COLGALT2: variants seen among roughly 807,000 people sequenced by gnomAD.
COLGALT2 encodes collagen beta(1-O)galactosyltransferase 2.
In COLGALT2, 49 loss-of-function variants were observed where a neutral mutation model predicts 73.4. The observed-to-expected ratio is 0.67, with a 90% CI of 0.53 to 0.85. The LOEUF (loss-of-function observed/expected upper bound fraction) is 0.85, where lower values mean the gene tolerates loss of function less well. Among genes scored for constraint, COLGALT2 ranks in the 40% least tolerant of loss-of-function variants. The pLI is 0.00. For synonymous variants in COLGALT2, 295 were observed against 307.6 expected, an observed-to-expected ratio of 0.96 and a Z score of 0.43; for missense variants, 722 against 790.2, an observed-to-expected ratio of 0.91 and a Z score of 1.03.
chr1:183,993,408 G>T (rs1056286076), intron 1 of COLGALT2, among the ~76,000 whole-genome samples: 1 of 152,234 alleles, frequency 6.6e-6, no homozygotes, highest in Non-Finnish European at 1.5e-5. Flanking sequence ...TATGGCAACA[G>T]GTGAGTAATT....
At chr1:183,962,889 T>G (rs1396859039) in intron 6 of COLGALT2, among the ~76,000 whole-genome samples, 1 of 152,234 alleles carries the variant, frequency 6.6e-6, no homozygotes, top group Non-Finnish European at 1.5e-5. Flanking sequence ...GAAGCCCAAA[T>G]GCCTTCTTAT....
At chr1:184,030,789 T>G (rs1404022395) in intron 1 of COLGALT2, among the ~76,000 whole-genome samples, 1 of 152,196 alleles carries the variant, frequency 6.6e-6, no homozygotes, top group Admixed American at 6.5e-5. Context: ...ATACTCCCCA[T>G]GCTCCTTTAA....
chr1:183,934,199 C>T (rs934560493), downstream of COLGALT2, among the ~76,000 whole-genome samples: 16 of 152,208 alleles, frequency 1.1e-4, no homozygotes, highest in African/African-American at 3.9e-4. Flanking sequence ...CACCTAAACT[C>T]CTCTTGCTCT....
At chr1:184,029,185 C>T (rs1296771200) in intron 1 of COLGALT2, among the ~76,000 whole-genome samples, 2 of 152,176 alleles carry the variant, frequency 1.3e-5, no homozygotes, top group African/African-American at 2.4e-5. Context: ...TTAATTACAG[C>T]CACTCTATTT....
chr1:183,959,716 C>T (rs1444238437), intron 6 of COLGALT2, among the ~76,000 whole-genome samples: 2 of 152,054 alleles, frequency 1.3e-5, no homozygotes, highest in African/African-American at 2.4e-5. Context: ...AGGCCATGCC[C>T]CCTCTGCCCC....
At chr1:183,994,644 G>C (rs1445701704) in intron 1 of COLGALT2, among the ~76,000 whole-genome samples, 11 of 151,784 alleles carry the variant, frequency 7.2e-5, no homozygotes, top group Admixed American at 7.2e-4. Flanking sequence ...TAGTAGAGAC[G>C]GGGTTTCACC....
chr1:184,028,385 T>C (rs1649395075), intron 1 of COLGALT2, among the ~76,000 whole-genome samples: 1 of 152,178 alleles, frequency 6.6e-6, no homozygotes, highest in African/African-American at 2.4e-5. Flanking sequence ...GTCTCTCTCT[T>C]GTGAGAATGA....
At chr1:184,006,297 AG>A in intron 1 of COLGALT2, among the ~76,000 whole-genome samples, 1 of 152,156 alleles carries the variant, frequency 6.6e-6, no homozygotes, top group Non-Finnish European at 1.5e-5. Flanking sequence ...AAAAAATTAG[AG>A]TATGGGCCGG....
At chr1:183,950,056 A>G (rs1320102514) in intron 8 of COLGALT2, among the ~76,000 whole-genome samples, 1 of 152,236 alleles carries the variant, frequency 6.6e-6, no homozygotes, top group East Asian at 1.9e-4. Context: ...ATAATTTTTT[A>G]GTATAACCAA....
chr1:183,987,416 A>T (rs968625488), intron 1 of COLGALT2, among the ~76,000 whole-genome samples: 1 of 152,232 alleles, frequency 6.6e-6, no homozygotes, highest in African/African-American at 2.4e-5. Flanking sequence ...AGGATCCAAA[A>T]ACATTTTCTC....
At chr1:184,003,193 A>G (rs1293171285) in intron 1 of COLGALT2, among the ~76,000 whole-genome samples, 1 of 152,184 alleles carries the variant, frequency 6.6e-6, no homozygotes, top group Non-Finnish European at 1.5e-5. Context: ...TGACTTTGAC[A>G]TTCCTCCTAT....
chr1:183,937,346 C>T lies in COLGALT2; in HGVS notation c.*1415G>A. On this transcript the variant is annotated 3_prime_UTR_variant, in exon 12 of 12. Transcript: ENST00000361927. ...GAGAACATAAACTTGAGGGAAACCA[C>T]CATGATCTATACTAGGATGACAGAT... 3 of 1,029,554 alleles carry T rather than the reference C, an allele frequency of 2.9e-6. No individual in the cohort carries two copies. Among genetic ancestry groups the T allele is most frequent in the Non-Finnish European group, 3.5e-6 (3 of 859,606 alleles). 63.8% of individuals were successfully genotyped at this position (1,029,554 alleles called of 1,614,324 possible). A position where few individuals can be genotyped will look rare whatever the true frequency, so the allele number is the denominator to read the frequency against.
intron 1 of COLGALT2, among the ~76,000 whole-genome samples, chr1:184,020,280 G>A (rs141657265): frequency 0.016 from 2,395 of 152,240 alleles, 59 homozygotes; most frequent in African/African-American, 0.054. Context: ...AGAGTTAACA[G>A]AGCAAATAAT....
chr1:184,024,906 G>A (rs1424753799), intron 1 of COLGALT2, among the ~76,000 whole-genome samples: 1 of 152,186 alleles, frequency 6.6e-6, no homozygotes, highest in Non-Finnish European at 1.5e-5. Flanking sequence ...GGCCTCACAA[G>A]AAGATTATCA....
chr1:183,975,085 A>T lies in COLGALT2; in HGVS notation c.492+12T>A, dbSNP rs758552535. ...GATGACAGTTGTCAAGAAATCAAAC[A>T]TCTGTTTTTACCAGAATGTAGTCTG... On this transcript the variant is annotated intron_variant, in intron 3 of 11. Coordinates refer to ENST00000361927, the MANE Select transcript of COLGALT2 (RefSeq NM_015101.4). 1 of 1,575,338 alleles carries T rather than the reference A, an allele frequency of 6.3e-7. No homozygotes were observed. The highest frequency in any genetic ancestry group is 1.7e-5 in the Admixed American group (1 of 59,902).
At chr1:184,023,287 G>A (rs755526549) in intron 1 of COLGALT2, among the ~76,000 whole-genome samples, 12 of 152,186 alleles carry the variant, frequency 7.9e-5, no homozygotes, top group South Asian at 6.2e-4. Context: ...TCAGCAAGGA[G>A]GGAGGTAGCC....
At chr1:183,934,928 C>A (rs1325686261), downstream of COLGALT2, among the ~76,000 whole-genome samples, 2 of 152,182 alleles carry the variant, frequency 1.3e-5, no homozygotes, top group African/African-American at 2.4e-5. Context: ...TGAGACAGCC[C>A]TGAGAAGGAG....
chr1:183,958,792 A>C (rs147301867), intron 6 of COLGALT2, among the ~76,000 whole-genome samples: 3 of 150,616 alleles, frequency 2.0e-5, no homozygotes, highest in African/African-American at 7.3e-5. Context: ...TCTCTTTTAC[A>C]TCATCAAGAT....
chr1:184,003,379 A>AC (rs34199124), intron 1 of COLGALT2, among the ~76,000 whole-genome samples: 66,900 of 151,994 alleles, frequency 0.44, 19,539 homozygotes, highest in African/African-American at 0.82. Flanking sequence ...AGGAAGCCAA[A>AC]CACATGGAGA....
Sources: allele counts gnomAD v4.1 joint callset (sites outside exome capture counted in the v4.1 genomes callset), GRCh38; gene constraint gnomAD v4.1.1; transcripts MANE v1.5; gene names NCBI Gene and HGNC (gene_info 2026-07-23, HGNC 2026-07-21).